The following HIPK2 variants were observed in gnomAD, a reference collection of about 807,000 sequenced individuals.
HIPK2 encodes the protein homeodomain-interacting protein kinase 2.
In HIPK2, 27 loss-of-function variants were observed where a neutral mutation model predicts 113.7. That is an observed-to-expected ratio of 0.24 (90% CI 0.17 to 0.33). HIPK2 has a LOEUF of 0.33. Among genes scored for constraint, HIPK2 ranks in the 10% least tolerant of loss-of-function variants. The pLI, the probability that HIPK2 is intolerant of heterozygous loss-of-function variation, is 1.00. For synonymous variants in HIPK2, 631 were observed against 642.2 expected, an observed-to-expected ratio of 0.98 and a Z score of 0.26; for missense variants, 1,257 against 1,588.0, an observed-to-expected ratio of 0.79 and a Z score of 3.54.
chr7:139,665,956 T>C (rs2116593205), intron 2 of HIPK2, among the ~76,000 whole-genome samples: 1 of 151,984 alleles, frequency 6.6e-6, no homozygotes, highest in African/African-American at 2.4e-5. Flanking sequence ...CTGCCTTTTT[T>C]TTTTTTTTTT....
Position 139,573,290 on chromosome 7 carries a change from G to T in HIPK2, c.3234C>A (p.Pro1078=). The T allele has an allele frequency of 6.2e-7, 1 of 1,605,070 alleles. No individual in the cohort carries two copies. The highest frequency in any genetic ancestry group is 8.5e-7 in the Non-Finnish European group (1 of 1,179,820). The part of the protein sequence containing the change: ...QAPYSFPHNS[P]SHGTVHPHLA... ...GATGCGGGTGCACAGTGCCGTGGCTGGGGCTGTTGTGCGGGAAGGAGTACG... is the reference window on the plus strand; with the variant it reads ...GATGCGGGTGCACAGTGCCGTGGCTTGGGCTGTTGTGCGGGAAGGAGTACG... The change falls in exon 15 of 15, where the codon CCC becomes CCA. Residue 1078 remains proline, a synonymous_variant. Transcript: ENST00000406875.
At chr7:139,721,161 G>A (rs578075404) in intron 1 of HIPK2, among the ~76,000 whole-genome samples, 4 of 152,176 alleles carry the variant, frequency 2.6e-5, no homozygotes, top group African/African-American at 9.7e-5. Flanking sequence ...TGGACCCAAC[G>A]CTCAGTGCAG....
intron 2 of HIPK2, among the ~76,000 whole-genome samples, chr7:139,636,637 C>T (rs575474109): frequency 6.6e-6 from 1 of 152,154 alleles, no homozygotes; most frequent in Admixed American, 6.5e-5. Flanking sequence ...TGGAGCCACC[C>T]GAGGCAGGAA....
chr7:139,773,776 A>AGGAG (rs377155314), intron 1 of HIPK2, among the ~76,000 whole-genome samples: 203 of 152,340 alleles, frequency 1.3e-3, no homozygotes, highest in African/African-American at 4.6e-3. Context: ...CTCCCCTTGG[A>AGGAG]GGAGGCTCTT....
chr7:139,685,465 C>G (rs976773250), intron 2 of HIPK2, among the ~76,000 whole-genome samples: 1 of 152,152 alleles, frequency 6.6e-6, no homozygotes, highest in Non-Finnish European at 1.5e-5. Flanking sequence ...ACCCGGCCAA[C>G]AGGTTTTCAA....
intron 2 of HIPK2, among the ~76,000 whole-genome samples, chr7:139,699,577 T>C (rs2116838695): frequency 1.3e-5 from 2 of 152,274 alleles, no homozygotes; most frequent in African/African-American, 4.8e-5. Context: ...TACACCCTGC[T>C]ATCAGGAGGC....
intron 2 of HIPK2, among the ~76,000 whole-genome samples, chr7:139,658,306 CA>C (rs56399449): frequency 0.039 from 5,408 of 137,524 alleles, 206 homozygotes; most frequent in African/African-American, 0.11. Context: ...AACTTGGTCT[CA>C]AAAAAAAAAA....
intron 1 of HIPK2, among the ~76,000 whole-genome samples, chr7:139,737,649 C>G (rs1451296937): frequency 6.6e-6 from 1 of 152,198 alleles, no homozygotes; most frequent in Non-Finnish European, 1.5e-5. Flanking sequence ...CCGGAAGCTC[C>G]CCAGTGCCCC....
At chr7:139,590,063 A>G (rs772213972) in intron 12 of HIPK2, among the ~76,000 whole-genome samples, 1 of 152,204 alleles carries the variant, frequency 6.6e-6, no homozygotes, top group Non-Finnish European at 1.5e-5. Flanking sequence ...TTTAGAAATG[A>G]GCACACATTT....
intron 1 of HIPK2, among the ~76,000 whole-genome samples, chr7:139,762,307 TGAG>T (rs1796478305): frequency 6.6e-6 from 1 of 152,186 alleles, no homozygotes; most frequent in Non-Finnish European, 1.5e-5. Flanking sequence ...CTAAGAGAGA[TGAG>T]GTGATGGTTT....
intron 2 of HIPK2, among the ~76,000 whole-genome samples, chr7:139,668,374 A>T (rs960714063): frequency 6.6e-6 from 1 of 152,084 alleles, no homozygotes; most frequent in African/African-American, 2.4e-5. Flanking sequence ...ATCCTGGCTA[A>T]CATGGTGAAA....
In HIPK2 at chr7:139,583,807, C is replaced by T. The variant is rs776916768; in HGVS notation, c.2965+10G>A. On this transcript the variant is annotated intron_variant, in intron 13 of 14. Coordinates refer to ENST00000406875, the MANE Select transcript of HIPK2 (RefSeq NM_022740.5). Reference sequence around the variant, plus strand: ...GGAGAGGTTCCTGCCCTGTCCTGGCCCCAAATTACCTGGCACCAGGCTATC... The same window carrying T: ...GGAGAGGTTCCTGCCCTGTCCTGGCTCCAAATTACCTGGCACCAGGCTATC... 2.5e-6 allele frequency: 4 copies of T among 1,607,644 alleles called. No individual in the cohort carries two copies. Among genetic ancestry groups the T allele is most frequent in the Non-Finnish European group, 2.5e-6 (3 of 1,176,890 alleles).
intron 1 of HIPK2, among the ~76,000 whole-genome samples, chr7:139,752,954 G>A (rs1796304602): frequency 6.6e-6 from 1 of 152,180 alleles, no homozygotes; most frequent in Admixed American, 6.5e-5. Flanking sequence ...ATGAGCACAA[G>A]TTTGTCCCCA....
intron 5 of HIPK2, 140 bp downstream of exon 5, chr7:139,628,813 C>A: frequency 1.5e-6 from 1 of 675,664 alleles, no homozygotes; most frequent in Non-Finnish European, 2.5e-6. Context: ...CTAAGACTGG[C>A]TGTAACTATT....
At chr7:139,686,889 T>C (rs1794238514) in intron 2 of HIPK2, among the ~76,000 whole-genome samples, 2 of 152,200 alleles carry the variant, frequency 1.3e-5, no homozygotes, top group Admixed American at 1.3e-4. Flanking sequence ...TACAGAGAAC[T>C]CTTTCGTGAA....
intron 2 of HIPK2, among the ~76,000 whole-genome samples, chr7:139,677,045 G>C (rs1319809864): frequency 1.3e-5 from 2 of 151,782 alleles, no homozygotes; most frequent in Non-Finnish European, 2.9e-5. Flanking sequence ...ATTTTTAGTG[G>C]AGATGGGGTT....
intron 12 of HIPK2, among the ~76,000 whole-genome samples, chr7:139,586,849 T>A (rs923361012): frequency 2.0e-5 from 3 of 152,080 alleles, no homozygotes; most frequent in Non-Finnish European, 4.4e-5. Flanking sequence ...ACAAATAGTT[T>A]GTTTGAGTCT....
chr7:139,651,914 T>C (rs1474644264), intron 2 of HIPK2, among the ~76,000 whole-genome samples: 1 of 152,214 alleles, frequency 6.6e-6, no homozygotes, highest in Non-Finnish European at 1.5e-5. Flanking sequence ...GGAACTGCAA[T>C]GCTGGAGTCT....
At position 139,683,165 on chromosome 7, in the gene HIPK2, C is replaced by T. The variant is rs1794099646; in HGVS notation, c.1103+32767G>A. Among the ~76,000 whole-genome samples, 1 of 152,342 alleles carries T rather than the reference C, an allele frequency of 6.6e-6. No homozygotes were observed. Among genetic ancestry groups the T allele is most frequent in the Middle Eastern group, 3.4e-3 (1 of 294 alleles). Reference sequence around the variant, plus strand: ...ATTACCTGGAAGGGCCTGGCTCTCACCTCGGAGCCTGGACGTGACCTGCTT... The same window carrying T: ...ATTACCTGGAAGGGCCTGGCTCTCATCTCGGAGCCTGGACGTGACCTGCTT... On this transcript the variant is annotated intron_variant, in intron 2 of 14. Coordinates refer to ENST00000406875, the MANE Select transcript of HIPK2 (RefSeq NM_022740.5). The surrounding 1 kb of genome is among the most constrained non-coding windows in gnomAD (Gnocchi z 4.2).
Sources: gnomAD v4.1 joint callset for allele counts (sites outside exome capture counted in the v4.1 genomes callset) on GRCh38, gnomAD v4.1.1 for gene constraint, Gnocchi (gnomAD v3.1) non-coding constraint, MANE v1.5 for transcripts, NCBI Gene and HGNC (gene_info 2026-07-23, HGNC 2026-07-21) for gene names.